Variants in IMPG2 observed in about 807,000 individuals in gnomAD.
The protein encoded by IMPG2 is interphotoreceptor matrix proteoglycan 2, also known as IPM 200.
In IMPG2, 91 loss-of-function variants were observed where a neutral mutation model predicts 129.2. That is an observed-to-expected ratio of 0.70 (90% CI 0.59 to 0.84). IMPG2 has a LOEUF of 0.84. IMPG2 is among the 40% of genes least tolerant of loss of function. IMPG2 has a pLI of 0.00. For synonymous variants in IMPG2, 510 were observed against 517.7 expected (o/e 0.99, Z 0.20); for missense variants, 1,430 against 1,461.7 (o/e 0.98, Z 0.35).
chr3:101,242,411 A>G (rs1361372633), intron 14 of IMPG2, among the ~76,000 whole-genome samples: 1 of 152,244 alleles, frequency 6.6e-6, no homozygotes, highest in Non-Finnish European at 1.5e-5. Flanking sequence ...GAATAGATCC[A>G]GTAGGTAAAT....
At chr3:101,237,141 C>G (rs1424944713) in intron 14 of IMPG2, among the ~76,000 whole-genome samples, 1 of 152,198 alleles carries the variant, frequency 6.6e-6, no homozygotes, top group Non-Finnish European at 1.5e-5. Flanking sequence ...CTTAGCAAAG[C>G]CTCTGTAGCC....
chr3:101,304,054 C>T, intron 3 of IMPG2, 92 bp downstream of exon 3: 1 of 1,313,428 alleles, frequency 7.6e-7, no homozygotes, highest in Admixed American at 1.7e-5. Context: ...GTAATACAGG[C>T]ATTTGCCACT....
rs536600165 is a variant in IMPG2, at chr3:101,244,594, T to A, written c.1737A>T (p.Gln579His). Residue 579 changes from glutamine (Q) to histidine (H), a missense_variant, in exon 13 of 19, where the codon CAA (glutamine) becomes CAT (histidine). By Grantham distance (24) the Gln-to-His change is conservative (BLOSUM62 0). Coordinates refer to ENST00000193391, the MANE Select transcript of IMPG2 (RefSeq NM_016247.4). ...CTGGCAGGAAAGGGCTCACTTTTAA[T>A]TGGTCTTTGACTTTGGAGGTCAAGG... ...LDSLTSKVKD[Q>H]LKVSPFLPDA... The A allele has an allele frequency of 6.3e-6, 10 of 1,595,704 alleles. No homozygotes were observed. In the South Asian group the frequency reaches 1.1e-4, roughly 18 times the overall value.
At chr3:101,314,263 C>T (rs559247189) in intron 2 of IMPG2, among the ~76,000 whole-genome samples, 1 of 152,216 alleles carries the variant, frequency 6.6e-6, no homozygotes, top group South Asian at 2.1e-4. Flanking sequence ...ATCTCAGACT[C>T]AGATTTGCAT....
chr3:101,249,577 T>A (rs1405581993), intron 11 of IMPG2, among the ~76,000 whole-genome samples: 6 of 151,360 alleles, frequency 4.0e-5, no homozygotes, highest in Non-Finnish European at 7.4e-5. Flanking sequence ...AAAAAAGAAA[T>A]AGAAGCAAGA....
chr3:101,260,684 A>T (rs1358531184), intron 9 of IMPG2, among the ~76,000 whole-genome samples: 1 of 152,106 alleles, frequency 6.6e-6, no homozygotes, highest in Non-Finnish European at 1.5e-5. Context: ...ACATGTACAC[A>T]CACATACAGA....
At chr3:101,304,767 T>A (rs965587526) in intron 2 of IMPG2, among the ~76,000 whole-genome samples, 1 of 152,070 alleles carries the variant, frequency 6.6e-6, no homozygotes, top group Non-Finnish European at 1.5e-5. Context: ...GACACTGACG[T>A]TTATAAATGG....
chr3:101,231,069 T>C lies in IMPG2; in HGVS notation c.3310A>G (p.Ile1104Val), dbSNP rs1373143398. Reference sequence around the variant, plus strand: ...AGTCCAACCACGGAGGCAATAGTGATGCCTATGATCACGGGCTCAGACACA... The same window carrying C: ...AGTCCAACCACGGAGGCAATAGTGACGCCTATGATCACGGGCTCAGACACA... ...EFVSEPVIIGITIASVVGLLV... is the reference protein window; with the variant it reads ...EFVSEPVIIGVTIASVVGLLV... The change falls in exon 16 of 19, where the codon ATC becomes GTC. Residue 1104 changes from isoleucine (I) to valine (V), a missense_variant. By Grantham distance (29) the Ile-to-Val change is conservative (BLOSUM62 3). Coordinates refer to ENST00000193391, the MANE Select transcript of IMPG2 (RefSeq NM_016247.4). The C allele has an allele frequency of 1.9e-6, 3 of 1,614,046 alleles. No individual in the cohort carries two copies. The highest frequency in any genetic ancestry group is 1.3e-5 in the African/African-American group (1 of 74,918).
At chr3:101,239,723 T>C (rs1706385629) in intron 14 of IMPG2, among the ~76,000 whole-genome samples, 1 of 152,218 alleles carries the variant, frequency 6.6e-6, no homozygotes, top group African/African-American at 2.4e-5. Context: ...ATATACACCA[T>C]TGAATACTAT....
chr3:101,273,798 A>G (rs773190395), intron 6 of IMPG2, 56 bp from the exon 7 acceptor site: 42 of 1,486,286 alleles, frequency 2.8e-5, no homozygotes, highest in Non-Finnish European at 3.5e-5. Context: ...CAATCAACAA[A>G]CATTTATTGA....
chr3:101,244,223 G>A lies in IMPG2; in HGVS notation c.2108C>T (p.Pro703Leu), dbSNP rs954537758. 9.3e-6 allele frequency: 15 copies of A among 1,613,976 alleles called. No homozygotes were observed. Among genetic ancestry groups the A allele is most frequent in the Non-Finnish European group, 1.3e-5 (15 of 1,179,984 alleles). ...ACCAGGTACTTCTGATATGTGCTTGGGGAGGGTTAGAGACGCAGATTCAGC... is the reference window on the plus strand; with the variant it reads ...ACCAGGTACTTCTGATATGTGCTTGAGGAGGGTTAGAGACGCAGATTCAGC... ...TAAESASLTL[P>L]KHISEVPGVD... Residue 703 changes from proline to leucine, a missense_variant, in exon 13 of 19, where the codon CCC becomes CTC. Coordinates refer to ENST00000193391, the MANE Select transcript of IMPG2 (RefSeq NM_016247.4).
At position 101,244,438 on chromosome 3, in the gene IMPG2, C is replaced by A. The variant is rs149291477; in HGVS notation, c.1893G>T (p.Pro631=). The part of the protein sequence containing the change: ...SEKSAEPLSK[P]WLEDDDSLLP... ...AAAGTGAATCATCATCTTCAAGCCA[C>A]GGCTTGGACAGTGGTTCAGCGCTCT... The change falls in exon 13 of 19, where the codon CCG becomes CCT. Residue 631 remains proline (P), a synonymous_variant. Transcript: ENST00000193391. The A allele has an allele frequency of 1.9e-6, 3 of 1,614,170 alleles. No individual in the cohort carries two copies. Among genetic ancestry groups the A allele is most frequent in the Non-Finnish European group, 2.5e-6 (3 of 1,180,000 alleles).
intron 8 of IMPG2, among the ~76,000 whole-genome samples, chr3:101,269,188 A>C: frequency 9.4e-6 from 1 of 105,958 alleles, no homozygotes; most frequent in South Asian, 4.2e-4. Context: ...TTAGGAAAAC[A>C]CTGGGGCCAC....
chr3:101,227,706 A>G, intron 18 of IMPG2: 1 of 438,492 alleles, frequency 2.3e-6, no homozygotes, highest in Non-Finnish European at 4.6e-6. Flanking sequence ...TGCATTCAGC[A>G]AGACTGGCAG....
chr3:101,254,387 A>G (rs1706576784), intron 10 of IMPG2, among the ~76,000 whole-genome samples: 1 of 152,144 alleles, frequency 6.6e-6, no homozygotes, highest in Admixed American at 6.6e-5. Context: ...CTCTTCTAGA[A>G]GCATTGCATA....
At chr3:101,316,588 G>A (rs1194174908) in intron 2 of IMPG2, among the ~76,000 whole-genome samples, 1 of 152,036 alleles carries the variant, frequency 6.6e-6, no homozygotes, top group Non-Finnish European at 1.5e-5. Context: ...AATGGCTAAA[G>A]TTAAAAAAGA....
In IMPG2 at chr3:101,320,366, T is replaced by C. The variant is rs2058805469; in HGVS notation, c.7A>G (p.Met3Val). The change falls in exon 1 of 19, where the codon ATG becomes GTG. Residue 3 changes from methionine to valine, a missense_variant. Transcript: ENST00000193391. ...GAAATCTTCCCAAAAAGAGGAAACA[T>C]AATCATTTGGGCCAAAACCAAAGGA... MI[M>V]FPLFGKISLG... 6.2e-7 allele frequency: 1 copy of C among 1,605,442 alleles called. No homozygotes were observed. The highest frequency in any genetic ancestry group is 8.5e-7 in the Non-Finnish European group (1 of 1,173,052).
chr3:101,311,266 T>C (rs1707261787), intron 2 of IMPG2, among the ~76,000 whole-genome samples: 1 of 151,132 alleles, frequency 6.6e-6, no homozygotes, highest in South Asian at 2.1e-4. Flanking sequence ...TTGGAAAAGA[T>C]GTAAAACTAC....
In IMPG2 at chr3:101,263,256, C is replaced by T. The variant is rs556670171; in HGVS notation, c.908+4255G>A. On this transcript the variant is annotated intron_variant, in intron 9 of 18. Coordinates refer to ENST00000193391, the MANE Select transcript of IMPG2 (RefSeq NM_016247.4). ...AACAGATGCACAGCTGCAGAATACA[C>T]ACTGTTTTCATCAGCACATGGAATA... 7.2e-5 allele frequency among the ~76,000 whole-genome samples: 11 copies of T among 152,082 alleles called. No individual in the cohort carries two copies. The South Asian group carries it at 2.3e-3, about 32-fold the overall frequency.
Sources: allele counts gnomAD v4.1 joint callset (sites outside exome capture counted in the v4.1 genomes callset), GRCh38; gene constraint gnomAD v4.1.1; transcripts MANE v1.5; gene names NCBI Gene and HGNC (gene_info 2026-07-23, HGNC 2026-07-21).